PKD1: variants seen among roughly 807,000 people sequenced by gnomAD.
PKD1 encodes polycystin 1, transient receptor potential channel interacting.
In PKD1, 81 loss-of-function variants were observed where a neutral mutation model predicts 361.7. That is an observed-to-expected ratio of 0.22 (90% CI 0.19 to 0.27). The LOEUF (loss-of-function observed/expected upper bound fraction) is 0.27. Ranked by LOEUF, PKD1 falls within the 10% of genes least tolerant of loss-of-function variation. PKD1 has a pLI of 1.00. For synonymous variants in PKD1, 3,615 were observed against 2,818.3 expected (o/e 1.28, Z -8.95); for missense variants, 6,399 against 6,118.3 (o/e 1.05, Z -1.53).
Position 2,100,193 on chromosome 16 carries a change from G to C in PKD1, c.9685C>G (p.Leu3229Val), listed in dbSNP as rs1198156314. 2 of 1,609,526 alleles carry C rather than the reference G, an allele frequency of 1.2e-6. No individual in the cohort carries two copies. The highest frequency in any genetic ancestry group is 1.7e-6 in the Non-Finnish European group (2 of 1,178,926). Residue 3229 changes from leucine to valine, a missense_variant, in exon 28 of 46, where the codon CTG becomes GTG. Physicochemically the swap from Leu to Val is conservative, Grantham distance 32 (BLOSUM62 1). Coordinates refer to ENST00000262304, the MANE Select transcript of PKD1 (RefSeq NM_001009944.3). This position sits in a 1 kb window ranked among gnomAD's most constrained non-coding sequence, Gnocchi z 4.4. ...GCGGCCAGCACCTCCTTCTCCACCA[G>C]GCCCCCGTTGGCCTCCGTCTCCACC... ...LSVETEANGGLVEKEVLAASD... is the reference protein window; with the variant it reads ...LSVETEANGGVVEKEVLAASD...
Position 2,131,175 on chromosome 16 carries a change from A to T in PKD1, c.215+4300T>A, listed in dbSNP as rs373277542. 9.2e-3 allele frequency among the ~76,000 whole-genome samples: 1,407 copies of T among 152,202 alleles called. 23 individuals carry two copies. Among genetic ancestry groups the T allele is most frequent in the African/African-American group, 0.032 (1,309 of 41,508 alleles). On this transcript the variant is annotated intron_variant, in intron 1 of 45. Transcript: ENST00000262304. ...GCTGCAGGAGCCAGTTTCTTCAACAAATTGCACAAGGAAAAAGAGAGGAAG... is the reference window on the plus strand; with the variant it reads ...GCTGCAGGAGCCAGTTTCTTCAACATATTGCACAAGGAAAAAGAGAGGAAG...
At chr16:2,096,546 G>A (rs931411485) in intron 34 of PKD1, among the ~76,000 whole-genome samples, 3 of 151,894 alleles carry the variant, frequency 2.0e-5, no homozygotes, top group South Asian at 4.1e-4. Context: ...ACGGAGTTTC[G>A]CTCTTGTTGC....
In PKD1 at chr16:2,090,722, G is replaced by T; in HGVS notation, c.12090C>A (p.Thr4030=). ...CTACCCCGAGCACCACCAGGCCCAA[G>T]GTGACCCCCAGGAGCTCTGGCAGAG... is the stretch of plus-strand genomic sequence containing the variant. ...CRALPELLGV[T]LGLVVLGVAY... is the part of the protein sequence containing the mutation. The change falls in exon 44 of 46, where the codon ACC becomes ACA. Residue 4030 remains threonine, a synonymous_variant. Coordinates refer to ENST00000262304, the MANE Select transcript of PKD1 (RefSeq NM_001009944.3). 1 of 1,612,568 alleles carries T rather than the reference G, an allele frequency of 6.2e-7. No homozygotes were observed. Among genetic ancestry groups the T allele is most frequent in the Non-Finnish European group, 8.5e-7 (1 of 1,179,954 alleles).
At chr16:2,130,822 G>A (rs530896599) in intron 1 of PKD1, among the ~76,000 whole-genome samples, 25 of 152,326 alleles carry the variant, frequency 1.6e-4, no homozygotes, top group African/African-American at 6.0e-4. Context: ...CAAGGCCCCG[G>A]GTGCTCCTAT....
rs141713126 is a variant in PKD1 at position 2,102,918 on chromosome 16, C to T, written c.8844G>A (p.Ser2948=). 387 of 1,609,438 alleles carry T rather than the reference C, an allele frequency of 2.4e-4. No individual in the cohort carries two copies. The African/African-American group carries it at 4.2e-3, about 17-fold the overall frequency. ...PEPYLAVYLH[S]EPRPNEHNCS... The stretch of plus-strand genomic sequence containing the variant: ...AGTTGTGCTCATTGGGCCGGGGCTC[C>T]GAGTGTAGGTAGACTGCCAGGTAGG... Residue 2948 remains serine (S), a synonymous_variant, in exon 24 of 46, where the codon TCG becomes TCA. Coordinates refer to ENST00000262304, the MANE Select transcript of PKD1 (RefSeq NM_001009944.3).
rs767042053 is a variant in PKD1 at position 2,106,056 on chromosome 16, C to G, written c.7704-32G>C. 9 of 1,606,536 alleles carry G rather than the reference C, an allele frequency of 5.6e-6. No individual in the cohort carries two copies. The highest frequency in any genetic ancestry group is 7.6e-6 in the Non-Finnish European group (9 of 1,178,074). ...GCAGAGGGGGGTGGTGAGCAGGTGG[C>G]AGTCTCGGGGGCGCCCTCCCACGGC... On this transcript the variant is annotated intron_variant, in intron 19 of 45. Transcript: ENST00000262304. This position sits in a 1 kb window ranked among gnomAD's most constrained non-coding sequence, Gnocchi z 6.5.
chr16:2,105,240 A>G, intron 21 of PKD1, 82 bp downstream of exon 21: 3 of 1,433,614 alleles, frequency 2.1e-6, no homozygotes, highest in Non-Finnish European at 2.9e-6. Context: ...CTCCTCGGCC[A>G]AGCTGCCCGT....
Position 2,117,594 on chromosome 16 carries a change from G to A in PKD1, c.1280C>T (p.Ala427Val), listed in dbSNP as rs564040163. The change falls in exon 6 of 46, where the codon GCG (alanine) becomes GTG (valine). Residue 427 changes from alanine to valine, a missense_variant. By Grantham distance (64) the Ala-to-Val change is moderately conservative. Transcript: ENST00000262304. ...GHCYRLVVEK[A>V]AWLQAQEQCQ... ...CTGCTCCTGCGCCTGCAGCCAGGCC[G>A]CCTTCTCCACCACCAGGCGGTAGCA... 374 of 1,609,596 alleles carry A rather than the reference G, an allele frequency of 2.3e-4. 1 individual carries two copies. In the South Asian group the frequency reaches 3.9e-3, roughly 17 times the overall value.
chr16:2,099,385 T>C, intron 30 of PKD1: 1 of 531,200 alleles, frequency 1.9e-6, no homozygotes, highest in Non-Finnish European at 3.5e-6. Flanking sequence ...TTCTGAGTTA[T>C]CTGGCGTGCT....
At chr16:2,119,894 C>A (rs189808611) in intron 1 of PKD1, 163 of 700,482 alleles carry the variant, frequency 2.3e-4, no homozygotes, top group African/African-American at 5.9e-4. Flanking sequence ...CAGGCGCCAC[C>A]TCGAGGCATA....
In PKD1 at chr16:2,091,002, T is replaced by C; in HGVS notation, c.11885A>G (p.Gln3962Arg). ...GCGGCCGCGCACGAAACGGGTCCAC[T>C]GGCGGTCAGCGGCACCCAGCTGGGC... is the stretch of plus-strand genomic sequence containing the variant. Reference protein sequence around the residue: ...RLAQLGAADRQWTRFVRGRPR... With the variant: ...RLAQLGAADRRWTRFVRGRPR... The change falls in exon 43 of 46, where the codon CAG becomes CGG. Residue 3962 changes from glutamine (Q) to arginine (R), a missense_variant. Transcript: ENST00000262304. 6.5e-7 allele frequency: 1 copy of C among 1,534,586 alleles called. No homozygotes were observed. Among genetic ancestry groups the C allele is most frequent in the Non-Finnish European group, 8.7e-7 (1 of 1,146,128 alleles).
chr16:2,132,472 G>C (rs1269068977), intron 1 of PKD1, among the ~76,000 whole-genome samples: 3 of 150,966 alleles, frequency 2.0e-5, no homozygotes, highest in Non-Finnish European at 4.4e-5. Context: ...GTACTCGGGA[G>C]GCTGAGGCAG....
Position 2,092,096 on chromosome 16 carries a change from G to A in PKD1, c.11362C>T (p.Pro3788Ser). 6.2e-7 allele frequency: 1 copy of A among 1,612,880 alleles called. No homozygotes were observed. Among genetic ancestry groups the A allele is most frequent in the Non-Finnish European group, 8.5e-7 (1 of 1,180,000 alleles). The change falls in exon 40 of 46, where the codon CCT becomes TCT. Residue 3788 changes from proline to serine, a missense_variant. Transcript: ENST00000262304. ...GCCCACGTCCCCGAGCCATTGTGAG[G>A]ACTCTCCCAGCCAACGTCGTAATCG... ...TSDYDVGWES[P>S]HNGSGTWAYS... is the part of the protein sequence containing the mutation.
At chr16:2,125,702 T>C (rs930678436) in intron 1 of PKD1, among the ~76,000 whole-genome samples, 10 of 151,786 alleles carry the variant, frequency 6.6e-5, no homozygotes, top group African/African-American at 2.2e-4. Context: ...GCTTCATACG[T>C]ATGCTACCTG....
chr16:2,119,162 G>C lies in PKD1; in HGVS notation c.311C>G (p.Ser104Cys). The C allele has an allele frequency of 6.6e-7, 1 of 1,517,198 alleles. No homozygotes were observed. The highest frequency in any genetic ancestry group is 9.0e-7 in the Non-Finnish European group (1 of 1,109,112). The allele number at this position is 1,517,198 out of a possible 1,614,324, so 94.0% of individuals were successfully genotyped here. A position where few individuals can be genotyped will look rare whatever the true frequency, so the allele number is the denominator to read the frequency against. ...AELDISNNKI[S>C]TLEEGIFANL... is the part of the protein sequence containing the mutation. ...AGCAAATATTCCTTCTTCTAACGTA[G>C]AAATCTTGTTGTTGCTTATATCCCT... is the stretch of plus-strand genomic sequence containing the variant. The change falls in exon 3 of 46, where the codon TCT becomes TGT. Residue 104 changes from serine (S) to cysteine (C), a missense_variant. Ser to Cys is a moderately radical substitution (Grantham distance 112). Transcript: ENST00000262304.
rs2091491464 is a variant in PKD1, at chr16:2,091,001, C to T, written c.11886G>A (p.Gln3962=). The T allele has an allele frequency of 2.8e-5, 43 of 1,534,624 alleles. No individual in the cohort carries two copies. The highest frequency in any genetic ancestry group is 3.7e-5 in the Non-Finnish European group (42 of 1,146,192). ...RLAQLGAADR[Q]WTRFVRGRPR... is the part of the protein sequence containing the mutation. The stretch of plus-strand genomic sequence containing the variant: ...GGCGGCCGCGCACGAAACGGGTCCA[C>T]TGGCGGTCAGCGGCACCCAGCTGGG... Residue 3962 remains glutamine (Q), a synonymous_variant, in exon 43 of 46, where the codon CAG becomes CAA. Coordinates refer to ENST00000262304, the MANE Select transcript of PKD1 (RefSeq NM_001009944.3).
chr16:2,107,366 C>T (rs2092376898), intron 16 of PKD1: 1 of 369,644 alleles, frequency 2.7e-6, no homozygotes, highest in African/African-American at 2.1e-5. Context: ...TGCTCCCACA[C>T]CCTCCCCTCA....
In PKD1 at chr16:2,093,079, G is replaced by A. The variant is rs771506986; in HGVS notation, c.11031C>T (p.Tyr3677=). 1 of 1,612,752 alleles carries A rather than the reference G, an allele frequency of 6.2e-7. No homozygotes were observed. The highest frequency in any genetic ancestry group is 1.1e-5 in the South Asian group (1 of 91,076). ...GCAGGGTCACCAGCAGAAAAAGCAT[G>A]TACACCAGGAGGCTCTGGTGGACGG... ...LHGMLRSLLV[Y]MLFLLVTLLA... The change falls in exon 38 of 46, where the codon TAC becomes TAT. Residue 3677 remains tyrosine, a synonymous_variant. Coordinates refer to ENST00000262304, the MANE Select transcript of PKD1 (RefSeq NM_001009944.3).
intron 11 of PKD1, 110 bp downstream of exon 11, chr16:2,114,060 A>C (rs1658785544): frequency 7.4e-6 from 7 of 947,882 alleles, no homozygotes; most frequent in Non-Finnish European, 9.7e-6. Context: ...CGACGTCCCC[A>C]GTAACTGGGC....
Sources: gnomAD v4.1 joint callset for allele counts (sites outside exome capture counted in the v4.1 genomes callset) on GRCh38, gnomAD v4.1.1 for gene constraint, Gnocchi (gnomAD v3.1) non-coding constraint, MANE v1.5 for transcripts, NCBI Gene and HGNC (gene_info 2026-07-23, HGNC 2026-07-21) for gene names.